Variants in BAHD1 observed in about 807,000 individuals in gnomAD.
BAHD1 encodes the protein bromo adjacent homology domain-containing 1 protein.
A neutral mutation model predicts 63.1 loss-of-function variants in BAHD1; 20 were observed. The observed-to-expected ratio is 0.32, with a 90% CI of 0.22 to 0.46. The LOEUF is 0.46. Ranked by LOEUF, BAHD1 falls within the 20% of genes least tolerant of loss-of-function variation. BAHD1 has a pLI of 1.00. For synonymous variants in BAHD1, 408 were observed against 426.8 expected, an observed-to-expected ratio of 0.96 and a Z score of 0.54; for missense variants, 939 against 1,071.8, an observed-to-expected ratio of 0.88 and a Z score of 1.73.
chr15:40,460,107 C>A (rs1334008024), intron 2 of BAHD1, among the ~76,000 whole-genome samples: 1 of 152,174 alleles, frequency 6.6e-6, no homozygotes, highest in Non-Finnish European at 1.5e-5. Context: ...GACAGCCTTG[C>A]TCTGCCCAGG....
intron 1 of BAHD1, among the ~76,000 whole-genome samples, chr15:40,452,565 GCCACTTCCTGTCCC>G (rs1893737704): frequency 2.0e-5 from 3 of 150,958 alleles, no homozygotes; most frequent in Non-Finnish European, 4.4e-5. Flanking sequence ...ACAACTGAGG[GCCACTTCCTGTCCC>G]AGGCAGCCTC....
intron 4 of BAHD1, 127 bp downstream of exon 4, chr15:40,464,147 C>T: frequency 8.6e-7 from 1 of 1,165,442 alleles, no homozygotes; most frequent in African/African-American, 1.5e-5. Context: ...CAGAGTCTGC[C>T]TTCCACTCGG....
chr15:40,462,851 C>T (rs188640294), intron 3 of BAHD1, among the ~76,000 whole-genome samples: 1 of 152,236 alleles, frequency 6.6e-6, no homozygotes, highest in Non-Finnish European at 1.5e-5. Context: ...GTTAGCCAGG[C>T]ATGGTGGTGT....
rs917007509 is a variant in BAHD1, at chr15:40,445,004, G to C, written c.-15+3736G>C. 3.9e-5 allele frequency among the ~76,000 whole-genome samples: 6 copies of C among 151,904 alleles called. No homozygotes were observed. The East Asian group carries it at 1.2e-3, about 29-fold the overall frequency. ...CTACTTCTCTCCTCCTTCTACTGTA[G>C]CAGGAGAAAAGCTACCTCAGAATGC... On this transcript the variant is annotated intron_variant, in intron 1 of 6. Coordinates refer to ENST00000416165, the MANE Select transcript of BAHD1 (RefSeq NM_014952.5).
At chr15:40,440,121 G>C (rs1342519718), upstream of BAHD1, among the ~76,000 whole-genome samples, 1 of 152,334 alleles carries the variant, frequency 6.6e-6, no homozygotes, top group Non-Finnish European at 1.5e-5. Flanking sequence ...AGGACTCACA[G>C]ACCAGGCTCT....
At chr15:40,443,394 G>A in intron 1 of BAHD1, 1 of 838,858 alleles carries the variant, frequency 1.2e-6, no homozygotes, top group Non-Finnish European at 1.4e-6. Flanking sequence ...CTAAAATCCA[G>A]AGAGTGATGA....
At chr15:40,443,475 G>C (rs1893457666) in intron 1 of BAHD1, 1 of 271,604 alleles carries the variant, frequency 3.7e-6, no homozygotes, top group Non-Finnish European at 5.6e-6. Context: ...CAGTCAGAAG[G>C]GGATGACGTG....
At chr15:40,441,421 G>GGGAC (rs1028475193) in intron 1 of BAHD1, among the ~76,000 whole-genome samples, 153 bp downstream of exon 1, 2 of 150,414 alleles carry the variant, frequency 1.3e-5, no homozygotes, top group Non-Finnish European at 3.0e-5. Context: ...AGCCCGGGAA[G>GGGAC]GGACGGACGG....
intron 1 of BAHD1, among the ~76,000 whole-genome samples, chr15:40,451,874 A>T (rs1893714266): frequency 6.6e-6 from 1 of 152,246 alleles, no homozygotes; most frequent in South Asian, 2.1e-4. Flanking sequence ...TAAAGTAGGG[A>T]CATGTGCCTT....
At chr15:40,457,904 C>T (rs1893895806) in intron 1 of BAHD1, among the ~76,000 whole-genome samples, 1 of 151,994 alleles carries the variant, frequency 6.6e-6, no homozygotes, top group Non-Finnish European at 1.5e-5. Context: ...TCCCAGCTAC[C>T]CGAGAGGCTG....
At chr15:40,455,645 C>T (rs879444278) in intron 1 of BAHD1, among the ~76,000 whole-genome samples, 15 of 152,220 alleles carry the variant, frequency 9.9e-5, no homozygotes, top group Admixed American at 5.2e-4. Flanking sequence ...CTTTCCCAGC[C>T]GCCTTCTCCT....
At chr15:40,464,941 C>A in intron 5 of BAHD1, 1 of 377,238 alleles carries the variant, frequency 2.7e-6, no homozygotes, top group Non-Finnish European at 4.9e-6. Context: ...CATAGGCTCT[C>A]CACCAAGCTG....
Position 40,458,584 on chromosome 15 carries a change from C to A in BAHD1, c.120C>A (p.Gly40=), listed in dbSNP as rs1199326350. 6.2e-7 allele frequency: 1 copy of A among 1,614,048 alleles called. No individual in the cohort carries two copies. The highest frequency in any genetic ancestry group is 1.1e-5 in the South Asian group (1 of 91,080). Reference sequence around the variant, plus strand: ...AGGGGGTTGAGGGTGTGGAGCCAGGCATGCCCGAGAGCCCAGGTCACCTCA... The same window carrying A: ...AGGGGGTTGAGGGTGTGGAGCCAGGAATGCCCGAGAGCCCAGGTCACCTCA... ...MEQGVEGVEP[G]MPESPGHLTG... The change falls in exon 2 of 7, where the codon GGC becomes GGA. Residue 40 remains glycine, a synonymous_variant. Transcript: ENST00000416165. The surrounding 1 kb of genome is among the most constrained non-coding windows in gnomAD (Gnocchi z 4.7).
In BAHD1 at chr15:40,463,713, C is replaced by G. The variant is rs796686286; in HGVS notation, c.1816-148C>G. 4 of 841,780 alleles carry G rather than the reference C, an allele frequency of 4.8e-6. No individual in the cohort carries two copies. The African/African-American group carries it at 6.9e-5, about 14-fold the overall frequency. The allele number at this position is 841,780 out of a possible 1,614,324, so 52.1% of individuals were successfully genotyped here. ...CTCCAACCATGAGAATTCCCCAGCC[C>G]CATCCAAAAAAGGATAGTGGTTTGA... On this transcript the variant is annotated intron_variant, in intron 3 of 6. Transcript: ENST00000416165.
intron 1 of BAHD1, among the ~76,000 whole-genome samples, chr15:40,452,506 G>T (rs1287406492): frequency 2.0e-5 from 3 of 152,188 alleles, no homozygotes; most frequent in Admixed American, 6.5e-5. Context: ...TGTTGTTCAG[G>T]GTCTGTTGGG....
intron 1 of BAHD1, among the ~76,000 whole-genome samples, chr15:40,449,556 T>C (rs1893643426): frequency 6.6e-6 from 1 of 152,006 alleles, no homozygotes; most frequent in Admixed American, 6.6e-5. Context: ...TCCCAGCACT[T>C]TGGGATGCTG....
At chr15:40,452,282 TC>T (rs1893728530) in intron 1 of BAHD1, among the ~76,000 whole-genome samples, 3 of 152,224 alleles carry the variant, frequency 2.0e-5, no homozygotes, top group African/African-American at 7.2e-5. Flanking sequence ...CCCTGCTCTC[TC>T]TCTCTCTTTG....
chr15:40,456,663 G>A (rs1315411394), intron 1 of BAHD1, among the ~76,000 whole-genome samples: 1 of 152,214 alleles, frequency 6.6e-6, no homozygotes, highest in African/African-American at 2.4e-5. Flanking sequence ...GAGCTAACAG[G>A]GAAAGATTCA....
At chr15:40,460,283 C>T (rs1240585610) in intron 2 of BAHD1, among the ~76,000 whole-genome samples, 1 of 152,138 alleles carries the variant, frequency 6.6e-6, no homozygotes, top group African/African-American at 2.4e-5. Flanking sequence ...GGCCCTTCTA[C>T]CCTCCTTGAG....
Sources: gnomAD v4.1 joint callset for allele counts (sites outside exome capture counted in the v4.1 genomes callset) on GRCh38, gnomAD v4.1.1 for gene constraint, Gnocchi (gnomAD v3.1) non-coding constraint, MANE v1.5 for transcripts, NCBI Gene and HGNC (gene_info 2026-07-23, HGNC 2026-07-21) for gene names.